CA13: variants seen among roughly 807,000 people sequenced by gnomAD.
CA13 encodes the protein CA-XIII.
Under a neutral mutation model 31.5 loss-of-function variants are expected in CA13, and 21 were observed. That is an observed-to-expected ratio of 0.67 (90% CI 0.47 to 0.96). The LOEUF (loss-of-function observed/expected upper bound fraction) is 0.96. Ranked by LOEUF, CA13 falls within the 40% of genes least tolerant of loss-of-function variation. The pLI, the probability that CA13 is intolerant of heterozygous loss-of-function variation, is 0.00. For missense variants in CA13, 315 were observed against 318.9 expected (o/e 0.99, Z 0.09); for synonymous variants, 117 against 111.4 (o/e 1.05, Z -0.32).
chr8:85,266,634 C>A lies in CA13; in HGVS notation c.381C>A (p.Asp127Glu), dbSNP rs754294632. 4 of 1,613,848 alleles carry A rather than the reference C, an allele frequency of 2.5e-6. No homozygotes were observed. The highest frequency in any genetic ancestry group is 3.3e-5 in the Admixed American group (2 of 59,978). The change falls in exon 4 of 7, where the codon GAC (aspartate) becomes GAA (glutamate). Residue 127 changes from aspartate to glutamate, a missense_variant. By Grantham distance (45) the Asp-to-Glu change is conservative. Coordinates refer to ENST00000321764, the MANE Select transcript of CA13 (RefSeq NM_198584.3). ...AELHVVHWNS[D>E]KYPSFVEAAH... ...TCCATGTTGTTCACTGGAATTCAGA[C>A]AAATACCCCAGCTTTGTTGAGGCAG...
intron 3 of CA13, among the ~76,000 whole-genome samples, chr8:85,260,188 T>C (rs1409301635): frequency 6.6e-6 from 1 of 152,232 alleles, no homozygotes; most frequent in African/African-American, 2.4e-5. Context: ...TATTCACTAA[T>C]AATACTCTGT....
Position 85,250,903 on chromosome 8 carries a change from C to T in CA13, c.201C>T (p.Phe67=), listed in dbSNP as rs1813814555. 1.2e-6 allele frequency: 2 copies of T among 1,613,610 alleles called. No individual in the cohort carries two copies. Among genetic ancestry groups the T allele is most frequent in the African/African-American group, 1.3e-5 (1 of 74,786 alleles). The change falls in exon 2 of 7, where the codon TTC becomes TTT. Residue 67 remains phenylalanine (F), a synonymous_variant. Transcript: ENST00000321764. The part of the protein sequence containing the change: ...AKIISNSGHS[F]NVDFDDTENK... ...TCATCAGCAACAGCGGCCATTCCTT[C>T]AATGTTGACTTTGATGACACAGAGA... is the stretch of plus-strand genomic sequence containing the variant.
chr8:85,257,151 G>A (rs1807312709), intron 2 of CA13, among the ~76,000 whole-genome samples: 1 of 152,160 alleles, frequency 6.6e-6, no homozygotes, highest in South Asian at 2.1e-4. Flanking sequence ...AACTTCAGTA[G>A]CATCCCTACA....
intron 3 of CA13, among the ~76,000 whole-genome samples, chr8:85,265,759 T>G (rs1807447733): frequency 6.6e-6 from 1 of 152,224 alleles, no homozygotes. Flanking sequence ...ATACATATAT[T>G]AAAACATTGC....
At position 85,253,613 on chromosome 8, in the gene CA13, A is replaced by T. The variant is rs1177199890; in HGVS notation, c.235+2676A>T. On this transcript the variant is annotated intron_variant, in intron 2 of 6. Coordinates refer to ENST00000321764, the MANE Select transcript of CA13 (RefSeq NM_198584.3). ...GCATAAAGACAAATAAATACATGGTATTTTCAACTTTTCGGAGGAAATGCC... is the reference window on the plus strand; with the variant it reads ...GCATAAAGACAAATAAATACATGGTTTTTTCAACTTTTCGGAGGAAATGCC... Among the ~76,000 whole-genome samples, 6 of 152,160 alleles carry T rather than the reference A, an allele frequency of 3.9e-5. No individual in the cohort carries two copies. In the East Asian group the frequency reaches 1.2e-3, roughly 29 times the overall value.
intron 2 of CA13, among the ~76,000 whole-genome samples, chr8:85,251,575 A>G (rs1290557124): frequency 6.6e-6 from 1 of 152,214 alleles, no homozygotes; most frequent in East Asian, 1.9e-4. Flanking sequence ...TTGTTTCTGC[A>G]AAGTTTTAGC....
rs1807736564 is a variant in CA13 at position 85,283,428 on chromosome 8, G to A, written c.*2079G>A. The stretch of plus-strand genomic sequence containing the variant: ...ATCTGTAGCAATTATTTAATGAATT[G>A]AATATTTAAAAAATTTTTTATTTGC... On this transcript the variant is annotated 3_prime_UTR_variant, in exon 7 of 7. Coordinates refer to ENST00000321764, the MANE Select transcript of CA13 (RefSeq NM_198584.3). The A allele has an allele frequency of 6.6e-6, 1 of 152,240 alleles. No homozygotes were observed. The highest frequency in any genetic ancestry group is 2.1e-4 in the South Asian group (1 of 4,832). The allele number at this position is 152,240 out of a possible 1,614,324, so 9.4% of individuals were successfully genotyped here. A position where few individuals can be genotyped will look rare whatever the true frequency, so the allele number is the denominator to read the frequency against.
chr8:85,277,329 A>G (rs1807627122), intron 6 of CA13, among the ~76,000 whole-genome samples: 1 of 151,886 alleles, frequency 6.6e-6, no homozygotes, highest in South Asian at 2.1e-4. Context: ...GAACAACTCC[A>G]GACATGCGCG....
chr8:85,268,081 GA>G, intron 5 of CA13, 117 bp downstream of exon 5: 3 of 631,554 alleles, frequency 4.8e-6, no homozygotes, highest in African/African-American at 1.9e-5. Flanking sequence ...CATACTTGAT[GA>G]AAAAAAGCAG....
At chr8:85,275,475 C>T (rs1807588457) in intron 6 of CA13, among the ~76,000 whole-genome samples, 1 of 152,012 alleles carries the variant, frequency 6.6e-6, no homozygotes, top group South Asian at 2.1e-4. Flanking sequence ...TGGACACATT[C>T]ATGGTAAGGG....
rs562037799 is a variant in CA13 at position 85,256,913 on chromosome 8, T to C, written c.236-2508T>C. Among the ~76,000 whole-genome samples, 4 of 152,314 alleles carry C rather than the reference T, an allele frequency of 2.6e-5. No individual in the cohort carries two copies. In the South Asian group the frequency reaches 8.3e-4, roughly 32 times the overall value. On this transcript the variant is annotated intron_variant, in intron 2 of 6. Transcript: ENST00000321764. ...TGGCTTCCTAAATAATACAAGGTCC[T>C]ACTGAGTGGGAACATCTGTGTCCTT...
At chr8:85,275,522 C>T (rs563728946) in intron 6 of CA13, among the ~76,000 whole-genome samples, 76 of 152,248 alleles carry the variant, frequency 5.0e-4, no homozygotes, top group African/African-American at 1.8e-3. Flanking sequence ...AGGTTTTTTC[C>T]TGCCTTGGGA....
chr8:85,255,326 A>G (rs533944848), intron 2 of CA13, among the ~76,000 whole-genome samples: 1 of 151,374 alleles, frequency 6.6e-6, no homozygotes, highest in East Asian at 1.9e-4. Context: ...GCAGTGGTGC[A>G]ATCTCAGCTC....
At chr8:85,253,986 TAA>T (rs903556598) in intron 2 of CA13, among the ~76,000 whole-genome samples, 2 of 151,786 alleles carry the variant, frequency 1.3e-5, no homozygotes, top group African/African-American at 4.8e-5. Flanking sequence ...GATAAATAAA[TAA>T]AAAAATAAGG....
At chr8:85,275,016 G>T (rs565688900) in intron 6 of CA13, among the ~76,000 whole-genome samples, 3 of 152,266 alleles carry the variant, frequency 2.0e-5, no homozygotes, top group East Asian at 1.9e-4. Flanking sequence ...GTATGCCTGG[G>T]TTTCACATAT....
chr8:85,264,471 C>T (rs550102578), intron 3 of CA13, among the ~76,000 whole-genome samples: 37 of 152,030 alleles, frequency 2.4e-4, no homozygotes, highest in Middle Eastern at 3.4e-3. Context: ...AATATAAATG[C>T]TAATAGAAGT....
chr8:85,279,507 AG>A (rs1460797544), intron 6 of CA13, among the ~76,000 whole-genome samples: 1 of 152,228 alleles, frequency 6.6e-6, no homozygotes, highest in African/African-American at 2.4e-5. Context: ...CAAAATACAC[AG>A]GCTGGTCGGA....
chr8:85,273,807 C>T (rs540862615), intron 6 of CA13, among the ~76,000 whole-genome samples: 12 of 152,080 alleles, frequency 7.9e-5, no homozygotes, highest in Admixed American at 1.3e-4. Context: ...CCCAAGAGTG[C>T]GCCGACAGAC....
At chr8:85,245,934 CGCTCGCTGACCACACACTGG>C (rs1247851921) in intron 1 of CA13, 69 bp downstream of exon 1, 14 of 1,565,882 alleles carry the variant, frequency 8.9e-6, no homozygotes, top group Admixed American at 1.7e-5. Context: ...GACGCCCCGG[CGCTCGCTGACCACACACTGG>C]GCTCGCACAT....
Sources: gnomAD v4.1 joint callset for allele counts (sites outside exome capture counted in the v4.1 genomes callset) on GRCh38, gnomAD v4.1.1 for gene constraint, MANE v1.5 for transcripts, NCBI Gene and HGNC (gene_info 2026-07-23, HGNC 2026-07-21) for gene names.